The following KLF12 variants were observed in gnomAD, a reference collection of about 807,000 sequenced individuals.
KLF12 encodes the protein Krueppel-like factor 12.
In KLF12, 9 loss-of-function variants were observed where a neutral mutation model predicts 37.8. That is an observed-to-expected ratio of 0.24 (90% confidence interval 0.14 to 0.42). The LOEUF is 0.42. KLF12 is among the 10% of genes least tolerant of loss of function. KLF12 has a pLI of 1.00. For missense variants in KLF12, 411 were observed against 516.0 expected (o/e 0.80, Z 1.97); for synonymous variants, 208 against 202.1 (o/e 1.03, Z -0.25).
chr13:73,895,008 G>T (rs766603183), intron 3 of KLF12, among the ~76,000 whole-genome samples: 1 of 152,120 alleles, frequency 6.6e-6, no homozygotes, highest in Non-Finnish European at 1.5e-5. Context: ...TGTGGAAAAT[G>T]TCTTGGCATT....
intron 5 of KLF12, among the ~76,000 whole-genome samples, chr13:73,790,445 G>A (rs1881621392): frequency 1.3e-5 from 2 of 152,042 alleles, no homozygotes; most frequent in Non-Finnish European, 2.9e-5. Flanking sequence ...TAAAAAAATT[G>A]TACTGTTTGG....
chr13:73,758,600 T>G (rs1349654018), intron 6 of KLF12, among the ~76,000 whole-genome samples: 2 of 152,138 alleles, frequency 1.3e-5, no homozygotes, highest in African/African-American at 2.4e-5. Context: ...CAGTACAATA[T>G]TAATATGGTT....
chr13:73,996,123 G>A (rs879674442), intron 1 of KLF12, among the ~76,000 whole-genome samples: 1 of 152,146 alleles, frequency 6.6e-6, no homozygotes, highest in African/African-American at 2.4e-5. Context: ...AAGGAAACTG[G>A]CCTTTAATTT....
intron 3 of KLF12, among the ~76,000 whole-genome samples, chr13:73,929,480 T>C (rs1889563794): frequency 6.6e-6 from 1 of 152,172 alleles, no homozygotes; most frequent in African/African-American, 2.4e-5. Context: ...TCGTATCGCA[T>C]AGTCATCAAA....
At chr13:73,778,417 C>A (rs559862484) in intron 5 of KLF12, among the ~76,000 whole-genome samples, 1 of 152,206 alleles carries the variant, frequency 6.6e-6, no homozygotes, top group Non-Finnish European at 1.5e-5. Context: ...CTGGAGCGCA[C>A]GTGGTGCAAT....
At chr13:73,801,454 T>G (rs1196385920) in intron 5 of KLF12, 2 of 152,146 alleles carry the variant, frequency 1.3e-5, no homozygotes, top group African/African-American at 2.4e-5. Context: ...GAACTTGTAG[T>G]GAAACTTATT....
chr13:73,837,878 C>T (rs1283523857), intron 4 of KLF12, among the ~76,000 whole-genome samples: 1 of 152,142 alleles, frequency 6.6e-6, no homozygotes, highest in Non-Finnish European at 1.5e-5. Flanking sequence ...AATCACAGGT[C>T]AGCTATCTAG....
chr13:74,044,286 A>G (rs536327738), intron 1 of KLF12, among the ~76,000 whole-genome samples: 1 of 150,822 alleles, frequency 6.6e-6, no homozygotes, highest in East Asian at 1.9e-4. Flanking sequence ...GATAATAAAA[A>G]TGCCTGCCTT....
At chr13:74,016,916 G>A (rs1415767903) in intron 1 of KLF12, among the ~76,000 whole-genome samples, 1 of 152,058 alleles carries the variant, frequency 6.6e-6, no homozygotes, top group Non-Finnish European at 1.5e-5. Flanking sequence ...ATCTGTGGAA[G>A]CTTTTTGATA....
chr13:74,105,720 C>A (rs1366664395), intron 1 of KLF12, among the ~76,000 whole-genome samples: 1 of 152,132 alleles, frequency 6.6e-6, no homozygotes, highest in Non-Finnish European at 1.5e-5. Flanking sequence ...GATGGAGGAC[C>A]TTTCCCATGA....
chr13:74,209,538 AC>A, the KLF12 span, among the ~76,000 whole-genome samples: 2 of 151,698 alleles, frequency 1.3e-5, no homozygotes, highest in East Asian at 3.9e-4. Flanking sequence ...ACACACACAC[AC>A]ACACACACAC....
chr13:73,762,510 T>C (rs1405218834), intron 6 of KLF12, among the ~76,000 whole-genome samples: 1 of 152,196 alleles, frequency 6.6e-6, no homozygotes, highest in Non-Finnish European at 1.5e-5. Context: ...CTTTTCTTCT[T>C]TTCCTGAACT....
chr13:73,810,982 C>CTTTTTTTTTTTTT (rs376490803), intron 5 of KLF12, among the ~76,000 whole-genome samples: 2 of 44,816 alleles, frequency 4.5e-5, no homozygotes, highest in African/African-American at 8.4e-5. Flanking sequence ...ATTTTTCTTT[C>CTTTTTTTTTTTTT]TTTTTTTTTT....
the KLF12 span, among the ~76,000 whole-genome samples, chr13:74,152,444 T>C: frequency 6.6e-6 from 1 of 152,180 alleles, no homozygotes; most frequent in Admixed American, 6.5e-5. Context: ...CATAATTGTA[T>C]TACTTCCCTA....
intron 3 of KLF12, among the ~76,000 whole-genome samples, chr13:73,896,496 A>G (rs1356021812): frequency 6.6e-6 from 1 of 152,214 alleles, no homozygotes; most frequent in Non-Finnish European, 1.5e-5. Context: ...TGACTGAGAC[A>G]TTACAAAAAG....
intron 5 of KLF12, among the ~76,000 whole-genome samples, chr13:73,806,097 G>A (rs1436157650): frequency 6.7e-6 from 1 of 148,250 alleles, no homozygotes; most frequent in Non-Finnish European, 1.5e-5. Flanking sequence ...ACTGTGCCCT[G>A]CCAGTTTTTT....
Position 73,737,933 on chromosome 13 carries a change from T to C in KLF12, c.870-22408A>G, listed in dbSNP as rs1877576429. ...ACTGTAAACCAACAACATCAAAATA[T>C]GTGAAGATTACATTCTGGCAGATGT... On this transcript the variant is annotated intron_variant, in intron 6 of 7. Coordinates refer to ENST00000377669, the MANE Select transcript of KLF12 (RefSeq NM_007249.5). Among the ~76,000 whole-genome samples, 3 of 151,662 alleles carry C rather than the reference T, an allele frequency of 2.0e-5. No homozygotes were observed. In the Admixed American group the frequency reaches 2.0e-4, roughly 10 times the overall value.
intron 7 of KLF12, among the ~76,000 whole-genome samples, chr13:73,697,421 C>A (rs1310826026): frequency 6.6e-6 from 1 of 152,160 alleles, no homozygotes; most frequent in Non-Finnish European, 1.5e-5. Context: ...ACCTCAACTT[C>A]TGATTCACTG....
intron 1 of KLF12, among the ~76,000 whole-genome samples, chr13:74,087,975 C>A (rs184524515): frequency 5.3e-5 from 8 of 151,908 alleles, no homozygotes; most frequent in Admixed American, 3.9e-4. Context: ...GGGGCATGAC[C>A]CAGGTTAGTT....
Sources: gnomAD v4.1 joint callset for allele counts (sites outside exome capture counted in the v4.1 genomes callset) on GRCh38, gnomAD v4.1.1 for gene constraint, MANE v1.5 for transcripts, NCBI Gene and HGNC (gene_info 2026-07-23, HGNC 2026-07-21) for gene names.